Variants in NAP1L4 observed in about 807,000 individuals in gnomAD.
NAP1L4 encodes the protein nucleosome assembly protein 1 like 4.
A neutral mutation model predicts 58.2 loss-of-function variants in NAP1L4; 15 were observed. The observed-to-expected ratio is 0.26, with a 90% CI of 0.17 to 0.40. The LOEUF (loss-of-function observed/expected upper bound fraction) is 0.40, where lower values mean the gene tolerates loss of function less well. Among genes scored for constraint, NAP1L4 ranks in the 10% least tolerant of loss-of-function variants. The probability of loss-of-function intolerance (pLI) is 1.00; values close to 1 mark genes in which losing one functional copy is unlikely to be tolerated. For synonymous variants in NAP1L4, 171 were observed against 155.6 expected (o/e 1.10, Z -0.74); for missense variants, 384 against 451.1 (o/e 0.85, Z 1.35).
In NAP1L4 at chr11:2,949,234, C is replaced by T. The variant is rs372823321; in HGVS notation, c.*25G>A. 5.6e-6 allele frequency: 9 copies of T among 1,594,172 alleles called. No individual in the cohort carries two copies. Among genetic ancestry groups the T allele is most frequent in the Middle Eastern group, 1.7e-4 (1 of 6,052 alleles). ...AATGGAATTCCACCTTACCTAGAAA[C>T]GTATGAATGATTAACAGACAAAAAT... is the stretch of plus-strand genomic sequence containing the variant. On this transcript the variant is annotated 3_prime_UTR_variant, in exon 15 of 16. Coordinates refer to ENST00000380542, the MANE Select transcript of NAP1L4 (RefSeq NM_005969.4). This position sits in a 1 kb window ranked among gnomAD's most constrained non-coding sequence, Gnocchi z 4.0.
At chr11:2,977,983 AC>A (rs565057183) in intron 3 of NAP1L4, among the ~76,000 whole-genome samples, 35 of 152,242 alleles carry the variant, frequency 2.3e-4, no homozygotes, top group African/African-American at 8.4e-4. Flanking sequence ...CCTGGGTAAC[AC>A]AGCAAGGCTC....
At chr11:2,986,111 C>T (rs558570453) in intron 1 of NAP1L4, among the ~76,000 whole-genome samples, 3 of 152,082 alleles carry the variant, frequency 2.0e-5, no homozygotes, top group Admixed American at 1.3e-4. Context: ...CGGTGGCTCA[C>T]GCCTGTAATC....
rs532090972 is a variant in NAP1L4, at chr11:2,970,286, C to T, written c.403-352G>A. Among the ~76,000 whole-genome samples, 4 of 152,270 alleles carry T rather than the reference C, an allele frequency of 2.6e-5. No individual in the cohort carries two copies. In the South Asian group the frequency reaches 6.2e-4, roughly 24 times the overall value. ...CACAAATGCAGATGCAAAGACTGTA[C>T]ATCAACCTTAAGGAGATGCAATGCA... is the stretch of plus-strand genomic sequence containing the variant. On this transcript the variant is annotated intron_variant, in intron 6 of 15. Coordinates refer to ENST00000380542, the MANE Select transcript of NAP1L4 (RefSeq NM_005969.4).
chr11:2,985,032 G>A (rs1327992045), intron 1 of NAP1L4, among the ~76,000 whole-genome samples: 1 of 151,504 alleles, frequency 6.6e-6, no homozygotes, highest in African/African-American at 2.4e-5. Context: ...ATTCATTCAC[G>A]TTTCCCACAC....
chr11:2,959,002 C>A lies in NAP1L4; in HGVS notation c.747-458G>T. 2.3e-5 allele frequency: 4 copies of A among 176,608 alleles called. No homozygotes were observed. The highest frequency in any genetic ancestry group is 1.5e-4 in the East Asian group (1 of 6,560). The allele number at this position is 176,608 out of a possible 1,614,324, so 10.9% of individuals were successfully genotyped here. A position where few individuals can be genotyped will look rare whatever the true frequency, so the allele number is the denominator to read the frequency against. On this transcript the variant is annotated intron_variant, in intron 9 of 15. Transcript: ENST00000380542. The surrounding 1 kb of genome is among the most constrained non-coding windows in gnomAD (Gnocchi z 4.9). ...GCAGACCACTCCAGCCCCAGGGATG[C>A]TGGCGAGGGCTGAGCACAGCACGCT...
At chr11:2,979,305 A>T (rs1848161986) in intron 1 of NAP1L4, 68 bp from the exon 2 acceptor site, 3 of 1,340,918 alleles carry the variant, frequency 2.2e-6, no homozygotes, top group Non-Finnish European at 3.2e-6. Context: ...ATACTTTTTA[A>T]ACAACGGTTA....
chr11:2,949,239 G>T lies in NAP1L4; in HGVS notation c.*20C>A. 6.3e-7 allele frequency: 1 copy of T among 1,597,892 alleles called. No individual in the cohort carries two copies. On this transcript the variant is annotated 3_prime_UTR_variant, in exon 15 of 16. Coordinates refer to ENST00000380542, the MANE Select transcript of NAP1L4 (RefSeq NM_005969.4). This position sits in a 1 kb window ranked among gnomAD's most constrained non-coding sequence, Gnocchi z 4.0. ...AATTCCACCTTACCTAGAAACGTAT[G>T]AATGATTAACAGACAAAAATTACAC...
At position 2,955,386 on chromosome 11, in the gene NAP1L4, A is replaced by C. The variant is rs376226860; in HGVS notation, c.915+358T>G. ...AATTTTTTTTTTTTTTGGTATTTTA[A>C]GCAGAAACGGGGTTTCACCATGTTG... On this transcript the variant is annotated intron_variant, in intron 11 of 15. Coordinates refer to ENST00000380542, the MANE Select transcript of NAP1L4 (RefSeq NM_005969.4). This position sits in a 1 kb window ranked among gnomAD's most constrained non-coding sequence, Gnocchi z 4.2. 2.8e-4 allele frequency among the ~76,000 whole-genome samples: 43 copies of C among 151,704 alleles called. No individual in the cohort carries two copies. The East Asian group carries it at 2.9e-3, about 10-fold the overall frequency.
chr11:2,980,997 A>G (rs7124270), intron 1 of NAP1L4, among the ~76,000 whole-genome samples: 42,599 of 151,692 alleles, frequency 0.28, 6,728 homozygotes, highest in African/African-American at 0.42. Context: ...GGGAGGCCAA[A>G]GTGGGCAGAT....
intron 10 of NAP1L4, among the ~76,000 whole-genome samples, chr11:2,958,011 C>A (rs1457489324): frequency 6.6e-6 from 1 of 152,198 alleles, no homozygotes; most frequent in Non-Finnish European, 1.5e-5. Flanking sequence ...GGGGTGCGAA[C>A]CAGACACAAC....
At chr11:2,958,271 A>G (rs1846668861) in intron 10 of NAP1L4, 128 bp downstream of exon 10, 2 of 924,684 alleles carry the variant, frequency 2.2e-6, no homozygotes, top group Non-Finnish European at 3.5e-6. Flanking sequence ...GGGACACAGC[A>G]ATGTGCCCCT....
chr11:2,966,795 C>G (rs887332043), intron 7 of NAP1L4, among the ~76,000 whole-genome samples: 3 of 152,202 alleles, frequency 2.0e-5, no homozygotes, highest in Non-Finnish European at 4.4e-5. Context: ...GGACTTCAAA[C>G]TCATCCCACT....
intron 7 of NAP1L4, among the ~76,000 whole-genome samples, chr11:2,968,750 G>C (rs902002193): frequency 6.6e-6 from 1 of 152,210 alleles, no homozygotes; most frequent in South Asian, 2.1e-4. Context: ...GCTGTCCTGA[G>C]CAAGTCTGAA....
intron 7 of NAP1L4, among the ~76,000 whole-genome samples, chr11:2,965,430 A>G (rs936274865): frequency 1.3e-5 from 2 of 152,238 alleles, no homozygotes; most frequent in African/African-American, 2.4e-5. Flanking sequence ...AACACAGAGA[A>G]GGTACAGTAA....
rs1431393087 is a variant in NAP1L4 at position 2,949,993 on chromosome 11, G to A, written c.1123-729C>T. ...TCAGCGCCCACAAGGCGGAAACACA[G>A]CCCAATAAACACACGTGGCCCTTGG... On this transcript the variant is annotated intron_variant, in intron 14 of 15. Transcript: ENST00000380542. This position sits in a 1 kb window ranked among gnomAD's most constrained non-coding sequence, Gnocchi z 4.0. Among the ~76,000 whole-genome samples, 1 of 152,268 alleles carries A rather than the reference G, an allele frequency of 6.6e-6. No homozygotes were observed. Among genetic ancestry groups the A allele is most frequent in the African/African-American group, 2.4e-5 (1 of 41,472 alleles).
rs1322184097 is a variant in NAP1L4 at position 2,959,928 on chromosome 11, A to G, written c.607-19T>C. On this transcript the variant is annotated intron_variant, in intron 8 of 15. Transcript: ENST00000380542. This position sits in a 1 kb window ranked among gnomAD's most constrained non-coding sequence, Gnocchi z 4.9. ...CAAAAGACTAAAAGTAGAAATTCAGAGTAAGCACCAGTTAAAATAGAAAAA... is the reference window on the plus strand; with the variant it reads ...CAAAAGACTAAAAGTAGAAATTCAGGGTAAGCACCAGTTAAAATAGAAAAA... 1 of 1,612,756 alleles carries G rather than the reference A, an allele frequency of 6.2e-7. No homozygotes were observed. Among genetic ancestry groups the G allele is most frequent in the Non-Finnish European group, 8.5e-7 (1 of 1,179,144 alleles).
At chr11:2,978,440 C>T (rs1848099410) in intron 2 of NAP1L4, 98 bp from the exon 3 acceptor site, 7 of 1,143,588 alleles carry the variant, frequency 6.1e-6, no homozygotes, top group Non-Finnish European at 7.6e-6. Context: ...TAAGAGGTAT[C>T]TGTACAGTGA....
intron 9 of NAP1L4, 162 bp from the exon 10 acceptor site, chr11:2,958,706 G>A (rs1564976835): frequency 1.5e-6 from 1 of 674,414 alleles, no homozygotes; most frequent in Non-Finnish European, 2.4e-6. Flanking sequence ...CTGGAGGTTG[G>A]CAAAAAGAGA....
chr11:2,987,042 G>A (rs1034367400), intron 1 of NAP1L4, among the ~76,000 whole-genome samples: 4 of 152,142 alleles, frequency 2.6e-5, no homozygotes, highest in African/African-American at 7.2e-5. Flanking sequence ...AAATCCTCCA[G>A]GAGTACTGGA....
Sources: gnomAD v4.1 joint callset for allele counts (sites outside exome capture counted in the v4.1 genomes callset) on GRCh38, gnomAD v4.1.1 for gene constraint, Gnocchi (gnomAD v3.1) non-coding constraint, MANE v1.5 for transcripts, NCBI Gene and HGNC (gene_info 2026-07-23, HGNC 2026-07-21) for gene names.